Variants in CNTN1 observed in about 807,000 individuals in gnomAD.
The protein encoded by CNTN1 is contactin 1.
CNTN1 carries 38 observed loss-of-function variants against 126.4 expected under a neutral mutation model. The ratio of observed to expected loss-of-function variants is 0.30; its 90% confidence interval spans 0.23 to 0.39. The LOEUF is 0.39. CNTN1 is among the 10% of genes least tolerant of loss of function. The pLI, the probability that CNTN1 is intolerant of heterozygous loss-of-function variation, is 1.00. For synonymous variants in CNTN1, 413 were observed against 422.6 expected (o/e 0.98, Z 0.28); for missense variants, 1,009 against 1,248.4 (o/e 0.81, Z 2.89).
intron 1 of CNTN1, among the ~76,000 whole-genome samples, chr12:40,871,271 A>G (rs1464745460): frequency 6.6e-6 from 1 of 151,778 alleles, no homozygotes; most frequent in Non-Finnish European, 1.5e-5. Context: ...TGCTATGTTC[A>G]GGAAGCAGGC....
chr12:40,834,166 T>C (rs1941959030), intron 1 of CNTN1, among the ~76,000 whole-genome samples: 1 of 152,202 alleles, frequency 6.6e-6, no homozygotes, highest in Non-Finnish European at 1.5e-5. Context: ...GAAGAATATG[T>C]ATCACAAGAT....
intron 23 of CNTN1, among the ~76,000 whole-genome samples, chr12:41,063,123 A>T (rs1410966056): frequency 2.0e-5 from 3 of 152,222 alleles, no homozygotes; most frequent in Non-Finnish European, 4.4e-5. Flanking sequence ...CGCTGCACCT[A>T]CCTTGACTGC....
intron 1 of CNTN1, among the ~76,000 whole-genome samples, chr12:40,821,954 G>A (rs962728304): frequency 2.0e-4 from 30 of 150,686 alleles, no homozygotes; most frequent in Non-Finnish European, 3.5e-4. Context: ...CATTTAGATA[G>A]TATTCAAAAA....
intron 1 of CNTN1, among the ~76,000 whole-genome samples, chr12:40,712,528 A>G (rs1941945168): frequency 6.6e-6 from 1 of 152,104 alleles, no homozygotes; most frequent in African/African-American, 2.4e-5. Flanking sequence ...TGCTGATCCA[A>G]GGTGGATGTG....
At chr12:40,988,190 C>T (rs187120073) in intron 16 of CNTN1, among the ~76,000 whole-genome samples, 27 of 152,174 alleles carry the variant, frequency 1.8e-4, no homozygotes, top group Admixed American at 3.3e-4. Flanking sequence ...TGAGTAGGTG[C>T]GTTAGAACCA....
chr12:41,025,284 T>G lies in CNTN1; in HGVS notation c.2658T>G (p.Ser886Arg), dbSNP rs1315690623. 4 of 1,613,888 alleles carry G rather than the reference T, an allele frequency of 2.5e-6. No individual in the cohort carries two copies. The highest frequency in any genetic ancestry group is 2.5e-6 in the Non-Finnish European group (3 of 1,179,782). The change falls in exon 21 of 24, where the codon AGT (serine) becomes AGG (arginine). Residue 886 changes from serine to arginine, a missense_variant. Coordinates refer to ENST00000551295, the MANE Select transcript of CNTN1 (RefSeq NM_001843.4). Reference sequence around the variant, plus strand: ...TTATAGAAGTCGGGGCCTGCAATAGTGCAGGGTGTGGACCTCCAAGTGACA... The same window carrying G: ...TTATAGAAGTCGGGGCCTGCAATAGGGCAGGGTGTGGACCTCCAAGTGACA... ...QYFIEVGACN[S>R]AGCGPPSDMI...
At chr12:40,780,919 C>CT (rs35794121) in intron 1 of CNTN1, among the ~76,000 whole-genome samples, 251 of 147,480 alleles carry the variant, frequency 1.7e-3, no homozygotes, top group African/African-American at 3.4e-3. Flanking sequence ...TGATGGAAAT[C>CT]TTTTTTTTTT....
At chr12:40,819,933 C>G (rs1226488155) in intron 1 of CNTN1, among the ~76,000 whole-genome samples, 1 of 152,182 alleles carries the variant, frequency 6.6e-6, no homozygotes, top group Non-Finnish European at 1.5e-5. Context: ...TTGTGTCGTT[C>G]TCAGGTTGGC....
intron 1 of CNTN1, among the ~76,000 whole-genome samples, chr12:40,889,531 T>C (rs1274366321): frequency 6.6e-6 from 1 of 152,192 alleles, no homozygotes; most frequent in Non-Finnish European, 1.5e-5. Flanking sequence ...TTACTAAGCA[T>C]TTCCCATGTG....
At chr12:40,887,118 G>A (rs1367677635) in intron 1 of CNTN1, among the ~76,000 whole-genome samples, 2 of 152,012 alleles carry the variant, frequency 1.3e-5, no homozygotes, top group African/African-American at 4.8e-5. Flanking sequence ...GTCATTGGTA[G>A]CTTGATGGGG....
chr12:41,005,412 G>A (rs750744944), intron 17 of CNTN1, among the ~76,000 whole-genome samples: 62 of 151,982 alleles, frequency 4.1e-4, no homozygotes, highest in Non-Finnish European at 3.4e-4. Flanking sequence ...GTGTCTTGGG[G>A]ATGATCTTCT....
At chr12:40,761,276 ACTT>A (rs1938855923) in intron 1 of CNTN1, among the ~76,000 whole-genome samples, 1 of 152,080 alleles carries the variant, frequency 6.6e-6, no homozygotes, top group East Asian at 1.9e-4. Context: ...GTGTAGTAAC[ACTT>A]CTTTTTAGTT....
chr12:40,930,640 T>A (rs1044741399), intron 7 of CNTN1, among the ~76,000 whole-genome samples: 3 of 151,920 alleles, frequency 2.0e-5, no homozygotes, highest in African/African-American at 7.2e-5. Flanking sequence ...TTACTTTACA[T>A]TATTTCTATC....
intron 1 of CNTN1, among the ~76,000 whole-genome samples, chr12:40,723,327 T>C (rs778654887): frequency 1.3e-5 from 2 of 152,256 alleles, no homozygotes; most frequent in Non-Finnish European, 2.9e-5. Context: ...TCATCTCTAA[T>C]AACTAAAGTA....
chr12:40,936,668 C>A, intron 9 of CNTN1, 113 bp from the exon 10 acceptor site: 1 of 1,330,546 alleles, frequency 7.5e-7, no homozygotes, highest in Non-Finnish European at 1.1e-6. Context: ...GATGCATACA[C>A]TATCTGATGT....
At chr12:41,069,034 A>T (rs945707043) in intron 23 of CNTN1, among the ~76,000 whole-genome samples, 7 of 152,198 alleles carry the variant, frequency 4.6e-5, no homozygotes, top group African/African-American at 1.7e-4. Flanking sequence ...GATAGTGCCT[A>T]ATAGTTGTGG....
intron 23 of CNTN1, among the ~76,000 whole-genome samples, chr12:41,046,292 CA>C (rs1270090815): frequency 6.6e-6 from 1 of 152,098 alleles, no homozygotes; most frequent in Non-Finnish European, 1.5e-5. Context: ...TAAAAAATTA[CA>C]TTATAATTTT....
intron 23 of CNTN1, among the ~76,000 whole-genome samples, chr12:41,049,163 A>C (rs1465122062): frequency 6.6e-6 from 1 of 152,164 alleles, no homozygotes; most frequent in Non-Finnish European, 1.5e-5. Flanking sequence ...TCTGGTAATC[A>C]TTCCAACCTT....
chr12:40,699,434 G>C (rs1348343488), intron 1 of CNTN1, among the ~76,000 whole-genome samples: 5 of 151,860 alleles, frequency 3.3e-5, no homozygotes, highest in African/African-American at 1.2e-4. Context: ...TTTTTTTAAT[G>C]AGGAATTTTG....
Sources: allele counts gnomAD v4.1 joint callset (sites outside exome capture counted in the v4.1 genomes callset), GRCh38; gene constraint gnomAD v4.1.1; transcripts MANE v1.5; gene names NCBI Gene and HGNC (gene_info 2026-07-23, HGNC 2026-07-21).